Variants in CNOT6L observed in about 807,000 individuals in gnomAD.
CNOT6L encodes the protein CCR4-NOT transcription complex subunit 6 like.
Under a neutral mutation model 64.0 loss-of-function variants are expected in CNOT6L, and 7 were observed. The ratio of observed to expected loss-of-function variants is 0.11; its 90% confidence interval spans 0.06 to 0.21. CNOT6L has a LOEUF of 0.21. CNOT6L is among the 10% of genes least tolerant of loss of function. CNOT6L has a pLI of 1.00. For synonymous variants in CNOT6L, 193 were observed against 243.4 expected (o/e 0.79, Z 1.93); for missense variants, 245 against 669.0 (o/e 0.37, Z 6.99).
Position 77,815,608 on chromosome 4 carries a change from G to A in CNOT6L, c.5+3696C>T, listed in dbSNP as rs1733482524. Among the ~76,000 whole-genome samples the A allele has an allele frequency of 1.3e-5, 2 of 152,152 alleles. 1 individual carries two copies. Among genetic ancestry groups the A allele is most frequent in the South Asian group, 4.2e-4 (2 of 4,816 alleles). On this transcript the variant is annotated intron_variant, in intron 1 of 11. Transcript: ENST00000504123. ...TGAAATGCCCCTTGTAGCAGAGATG[G>A]CCAAGCTTTCCACCTGCCAGGGACA...
At chr4:77,787,413 T>C (rs1187403197) in intron 1 of CNOT6L, among the ~76,000 whole-genome samples, 2 of 152,216 alleles carry the variant, frequency 1.3e-5, no homozygotes, top group African/African-American at 4.8e-5. Flanking sequence ...GATTTAGCTA[T>C]CACATTATTA....
intron 1 of CNOT6L, among the ~76,000 whole-genome samples, chr4:77,801,701 G>GGGGGAA (rs10663911): frequency 1.0e-5 from 1 of 97,174 alleles, no homozygotes; most frequent in Non-Finnish European, 2.1e-5. Context: ...GGGGGGGGGG[G>GGGGGAA]AGAATGAAAC....
At chr4:77,755,974 T>G (rs1295666451) in intron 5 of CNOT6L, among the ~76,000 whole-genome samples, 1 of 151,874 alleles carries the variant, frequency 6.6e-6, no homozygotes, top group Non-Finnish European at 1.5e-5. Flanking sequence ...CTTCTTTTTT[T>G]GTTTTTGTTT....
intron 4 of CNOT6L, among the ~76,000 whole-genome samples, chr4:77,761,668 A>G (rs2110017549): frequency 6.6e-6 from 1 of 152,358 alleles, no homozygotes; most frequent in African/African-American, 2.4e-5. Context: ...TCTACAGTTA[A>G]CATTAATGGT....
intron 8 of CNOT6L, among the ~76,000 whole-genome samples, chr4:77,734,463 T>G (rs943462542): frequency 2.6e-4 from 40 of 152,178 alleles, no homozygotes; most frequent in African/African-American, 9.2e-4. Context: ...TATAGTCCAC[T>G]CTACAGATTC....
chr4:77,761,965 C>T (rs1408968969), intron 4 of CNOT6L, among the ~76,000 whole-genome samples: 1 of 151,966 alleles, frequency 6.6e-6, no homozygotes, highest in East Asian at 1.9e-4. Flanking sequence ...ATTTAAAAAG[C>T]AGTACCATTT....
chr4:77,723,267 T>A (rs1289869034), intron 11 of CNOT6L, among the ~76,000 whole-genome samples: 1 of 152,178 alleles, frequency 6.6e-6, no homozygotes, highest in Non-Finnish European at 1.5e-5. Context: ...TCATTCCAAA[T>A]CAGTTTGCAA....
In CNOT6L at chr4:77,819,348, C is replaced by A; in HGVS notation, c.-40G>T. ...CCAGAAGCAACAGCAGCCATTTCCC[C>A]GCGGCAGGGGAAACACACACACAAA... On this transcript the variant is annotated 5_prime_UTR_variant, in exon 1 of 12. Transcript: ENST00000504123. The A allele has an allele frequency of 6.2e-7, 1 of 1,613,090 alleles. No individual in the cohort carries two copies. The highest frequency in any genetic ancestry group is 8.5e-7 in the Non-Finnish European group (1 of 1,179,498).
At chr4:77,790,822 T>G (rs949804783) in intron 1 of CNOT6L, among the ~76,000 whole-genome samples, 1 of 151,520 alleles carries the variant, frequency 6.6e-6, no homozygotes, top group Non-Finnish European at 1.5e-5. Context: ...CTGATTTTTT[T>G]TTTTTTTTTT....
In CNOT6L at chr4:77,718,069, A is replaced by G. The variant is rs1202562753; in HGVS notation, c.*2362T>C. The G allele has an allele frequency of 6.6e-6, 1 of 152,254 alleles. No homozygotes were observed. Among genetic ancestry groups the G allele is most frequent in the South Asian group, 2.1e-4 (1 of 4,824 alleles). 9.4% of individuals were successfully genotyped at this position (152,254 alleles called of 1,614,324 possible). ...TTATTTTTTCCCTCTACATTTAACT[A>G]TTAAAAAAGTTTTTTATTAATAAAT... On this transcript the variant is annotated 3_prime_UTR_variant, in exon 12 of 12. Transcript: ENST00000504123.
chr4:77,779,076 C>CAA (rs1728536826), intron 1 of CNOT6L, among the ~76,000 whole-genome samples: 1 of 89,132 alleles, frequency 1.1e-5, no homozygotes, highest in African/African-American at 3.7e-5. Flanking sequence ...AAAAAAAACA[C>CAA]AAAAAACACA....
intron 8 of CNOT6L, among the ~76,000 whole-genome samples, chr4:77,738,269 GA>G (rs1175786015): frequency 2.6e-5 from 4 of 152,164 alleles, no homozygotes; most frequent in Non-Finnish European, 1.5e-5. Flanking sequence ...TCATTGACTT[GA>G]AATAAAGCAT....
At chr4:77,766,242 A>T (rs1726806543) in intron 4 of CNOT6L, among the ~76,000 whole-genome samples, 1 of 152,194 alleles carries the variant, frequency 6.6e-6, no homozygotes, top group Non-Finnish European at 1.5e-5. Flanking sequence ...CCATACATTT[A>T]CCTTATTAAC....
chr4:77,742,329 A>G, intron 7 of CNOT6L, 34 bp from the exon 8 acceptor site: 1 of 1,573,734 alleles, frequency 6.4e-7, no homozygotes, highest in Non-Finnish European at 8.7e-7. Context: ...TCTATATGAC[A>G]GAGGGAAAAT....
At chr4:77,777,742 C>A (rs930841455) in intron 1 of CNOT6L, among the ~76,000 whole-genome samples, 1 of 152,078 alleles carries the variant, frequency 6.6e-6, no homozygotes, top group Non-Finnish European at 1.5e-5. Flanking sequence ...AAGTTTAGAA[C>A]TTATATCCCA....
chr4:77,721,526 T>C (rs1008627520), intron 11 of CNOT6L, among the ~76,000 whole-genome samples: 5 of 152,232 alleles, frequency 3.3e-5, no homozygotes, highest in Admixed American at 6.5e-5. Context: ...TTCCAGCCAA[T>C]ACTTTAAATG....
intron 5 of CNOT6L, among the ~76,000 whole-genome samples, chr4:77,749,167 T>C (rs541506648): frequency 6.6e-6 from 1 of 152,338 alleles, no homozygotes; most frequent in Non-Finnish European, 1.5e-5. Flanking sequence ...CCCAGATCTT[T>C]AAAACTGTCA....
chr4:77,735,349 C>T (rs1408013703), intron 8 of CNOT6L, among the ~76,000 whole-genome samples: 1 of 152,162 alleles, frequency 6.6e-6, no homozygotes. Flanking sequence ...CACATTGCAG[C>T]AGGAGGTATT....
At chr4:77,731,858 G>A (rs1231657219) in intron 8 of CNOT6L, 3 of 207,694 alleles carry the variant, frequency 1.4e-5, no homozygotes, top group Non-Finnish European at 2.9e-5. Flanking sequence ...TAAAAATGGG[G>A]AAGCAGCTGA....
Sources: allele counts gnomAD v4.1 joint callset (sites outside exome capture counted in the v4.1 genomes callset), GRCh38; gene constraint gnomAD v4.1.1; transcripts MANE v1.5; gene names NCBI Gene and HGNC (gene_info 2026-07-23, HGNC 2026-07-21).